The following ADAMTSL3 variants were observed in gnomAD, a reference collection of about 807,000 sequenced individuals.
ADAMTSL3 encodes ADAMTS like 3.
Under a neutral mutation model 201.7 loss-of-function variants are expected in ADAMTSL3, and 128 were observed. The observed-to-expected ratio is 0.63, with a 90% CI of 0.55 to 0.73. The LOEUF is 0.73. Ranked by LOEUF, ADAMTSL3 falls within the 30% of genes least tolerant of loss-of-function variation. The pLI is 0.00. For synonymous variants in ADAMTSL3, 738 were observed against 748.4 expected, an observed-to-expected ratio of 0.99 and a Z score of 0.23; for missense variants, 1,990 against 2,119.6, an observed-to-expected ratio of 0.94 and a Z score of 1.20.
intron 12 of ADAMTSL3, 31 bp from the exon 13 acceptor site, chr15:83,892,653 A>C (rs2065532275): frequency 6.4e-7 from 1 of 1,565,654 alleles, no homozygotes; most frequent in African/African-American, 1.4e-5. Context: ...ACAACAAATA[A>C]ATAATATAAT....
intron 20 of ADAMTSL3, among the ~76,000 whole-genome samples, chr15:83,974,425 A>T (rs1189595728): frequency 6.6e-6 from 1 of 152,174 alleles, no homozygotes; most frequent in Non-Finnish European, 1.5e-5. Context: ...GCACACACTA[A>T]AAGCTCAAAA....
chr15:83,708,563 CA>C (rs1261978827), intron 3 of ADAMTSL3, among the ~76,000 whole-genome samples: 1 of 152,198 alleles, frequency 6.6e-6, no homozygotes, highest in Non-Finnish European at 1.5e-5. Flanking sequence ...TGGTTTAGTG[CA>C]AACAGGACTA....
intron 2 of ADAMTSL3, 56 bp from the exon 3 acceptor site, chr15:83,704,333 C>T (rs1201369448): frequency 6.2e-7 from 1 of 1,610,934 alleles, no homozygotes; most frequent in South Asian, 1.1e-5. Context: ...TGGACTTTAC[C>T]TGTCAGGGGG....
chr15:83,962,914 G>A (rs370954126), intron 19 of ADAMTSL3, among the ~76,000 whole-genome samples: 15 of 152,194 alleles, frequency 9.9e-5, no homozygotes, highest in Admixed American at 5.2e-4. Flanking sequence ...AGTGCAAGAG[G>A]TCAGGGAACT....
At chr15:83,933,404 C>T (rs905086650) in intron 17 of ADAMTSL3, among the ~76,000 whole-genome samples, 5 of 152,138 alleles carry the variant, frequency 3.3e-5, no homozygotes, top group African/African-American at 4.8e-5. Flanking sequence ...AGAAGCAAAG[C>T]ATTCAAGAGG....
Position 84,014,733 on chromosome 15 carries a change from C to G in ADAMTSL3, c.4156+9C>G, listed in dbSNP as rs1225790118. 6.9e-6 allele frequency: 11 copies of G among 1,603,550 alleles called. No individual in the cohort carries two copies. Among genetic ancestry groups the G allele is most frequent in the Non-Finnish European group, 9.4e-6 (11 of 1,175,574 alleles). ...TGTACTCCACTTGCTGGGTAAGTGTCAAATTCTTATTGCTCCTTAAGTGCC... is the reference window on the plus strand; with the variant it reads ...TGTACTCCACTTGCTGGGTAAGTGTGAAATTCTTATTGCTCCTTAAGTGCC... On this transcript the variant is annotated intron_variant, in intron 24 of 29. Coordinates refer to ENST00000286744, the MANE Select transcript of ADAMTSL3 (RefSeq NM_207517.3).
intron 3 of ADAMTSL3, among the ~76,000 whole-genome samples, chr15:83,724,016 A>G (rs1327046075): frequency 2.6e-5 from 4 of 151,952 alleles, no homozygotes; most frequent in Admixed American, 2.6e-4. Flanking sequence ...ATACTTGTTT[A>G]ATAGTGTCCA....
chr15:83,669,759 C>T (rs1040634085), intron 2 of ADAMTSL3, among the ~76,000 whole-genome samples: 20 of 151,944 alleles, frequency 1.3e-4, no homozygotes, highest in Non-Finnish European at 2.2e-4. Context: ...TGAGCCACCG[C>T]GCCCGGCCAG....
chr15:83,860,438 AT>A (rs1300060299), intron 8 of ADAMTSL3, among the ~76,000 whole-genome samples: 2 of 152,164 alleles, frequency 1.3e-5, no homozygotes, highest in African/African-American at 4.8e-5. Context: ...TAATAAATAG[AT>A]TATTGTGATG....
chr15:83,728,410 C>G (rs10906980), intron 3 of ADAMTSL3, among the ~76,000 whole-genome samples: 42,100 of 150,938 alleles, frequency 0.28, 6,153 homozygotes, highest in South Asian at 0.59. Context: ...GTTTTCTGGT[C>G]TTCTCCTCGT....
At chr15:83,952,402 T>C (rs965529051) in intron 19 of ADAMTSL3, among the ~76,000 whole-genome samples, 6 of 152,220 alleles carry the variant, frequency 3.9e-5, no homozygotes, top group Admixed American at 2.0e-4. Context: ...ATAATCCATG[T>C]GCTGAAGAGA....
At chr15:83,724,061 G>GT (rs199529882) in intron 3 of ADAMTSL3, among the ~76,000 whole-genome samples, 2,693 of 148,284 alleles carry the variant, frequency 0.018, 75 homozygotes, top group African/African-American at 0.06. Context: ...TTCCCTTCTT[G>GT]TTTTTTTTTA....
chr15:83,948,769 A>G (rs546085680), intron 19 of ADAMTSL3, among the ~76,000 whole-genome samples: 1 of 145,202 alleles, frequency 6.9e-6, no homozygotes, highest in South Asian at 2.1e-4. Context: ...AAGGTTTATT[A>G]TAAAACTCTT....
At position 84,025,278 on chromosome 15, in the gene ADAMTSL3, G is replaced by A. The variant is rs138649477; in HGVS notation, c.4498G>A (p.Gly1500Ser). The A allele has an allele frequency of 1.5e-4, 239 of 1,613,296 alleles. No individual in the cohort carries two copies. In the Middle Eastern group the frequency reaches 3.5e-3, roughly 23 times the overall value. Reference sequence around the variant, plus strand: ...GTGGTCACAGTGCTCTGTGTCTTGCGGTGAAGGATACCACAGTCGGCAGGT... The same window carrying A: ...GTGGTCACAGTGCTCTGTGTCTTGCAGTGAAGGATACCACAGTCGGCAGGT... ...SVWSQCSVSC[G>S]EGYHSRQVTC... The change falls in exon 27 of 30, where the codon GGT (glycine) becomes AGT (serine). Residue 1500 changes from glycine (G) to serine (S), a missense_variant. Physicochemically the swap from Gly to Ser is moderately conservative, Grantham distance 56. Transcript: ENST00000286744.
chr15:83,761,467 G>T (rs560903349), intron 3 of ADAMTSL3, among the ~76,000 whole-genome samples: 154 of 152,054 alleles, frequency 1.0e-3, no homozygotes, highest in African/African-American at 3.6e-3. Context: ...TTTTCTTTAA[G>T]ACTGGTCTGC....
chr15:83,901,636 G>A (rs1264204851), intron 15 of ADAMTSL3, among the ~76,000 whole-genome samples: 1 of 152,162 alleles, frequency 6.6e-6, no homozygotes, highest in Non-Finnish European at 1.5e-5. Context: ...ATACGTATGT[G>A]TTTGTTGTTT....
intron 6 of ADAMTSL3, among the ~76,000 whole-genome samples, chr15:83,823,225 GGAGGGA>G (rs1567168893): frequency 1.5e-5 from 2 of 135,512 alleles, no homozygotes; most frequent in East Asian, 2.5e-4. Context: ...AGGGGGAGGG[GGAGGGA>G]GAGGGAGAGC....
chr15:83,729,040 G>C (rs984591011), intron 3 of ADAMTSL3, among the ~76,000 whole-genome samples: 7 of 151,976 alleles, frequency 4.6e-5, no homozygotes, highest in African/African-American at 1.2e-4. Flanking sequence ...TAGGATAAAG[G>C]GTTTTTCTTC....
At chr15:83,872,305 A>G (rs914934548) in intron 9 of ADAMTSL3, among the ~76,000 whole-genome samples, 1 of 151,986 alleles carries the variant, frequency 6.6e-6, no homozygotes, top group African/African-American at 2.4e-5. Flanking sequence ...ACCACTGTGT[A>G]TTGTGTCCCT....
Sources: gnomAD v4.1 joint callset for allele counts (sites outside exome capture counted in the v4.1 genomes callset) on GRCh38, gnomAD v4.1.1 for gene constraint, MANE v1.5 for transcripts, NCBI Gene and HGNC (gene_info 2026-07-23, HGNC 2026-07-21) for gene names.